Variants in CEP120 observed in about 807,000 individuals in gnomAD.
CEP120 encodes the protein centrosomal protein of 120 kDa.
A neutral mutation model predicts 126.5 loss-of-function variants in CEP120; 113 were observed. That is an observed-to-expected ratio of 0.89 (90% CI 0.77 to 1.04). The LOEUF (loss-of-function observed/expected upper bound fraction) is 1.04. Among genes scored for constraint, CEP120 ranks in the 50% least tolerant of loss-of-function variants. CEP120 has a pLI of 0.00. For synonymous variants in CEP120, 400 were observed against 394.3 expected, an observed-to-expected ratio of 1.01 and a Z score of -0.17; for missense variants, 1,230 against 1,155.7, an observed-to-expected ratio of 1.06 and a Z score of -0.93.
In CEP120 at chr5:123,401,576, A is replaced by C. The variant is rs528613043; in HGVS notation, c.464-2292T>G. ...CTTGACCTCAGCGATGACGCTGTTC[A>C]TGTCCAGGGAGCGGCTGTTGTCCAT... is the stretch of plus-strand genomic sequence containing the variant. On this transcript the variant is annotated intron_variant, in intron 4 of 19. Coordinates refer to ENST00000306467, the MANE Select transcript of CEP120 (RefSeq NM_001375405.1). The C allele has an allele frequency of 5.1e-4, 714 of 1,388,338 alleles. 10 individuals are homozygous for C. The South Asian group carries it at 6.1e-3, about 12-fold the overall frequency. The allele number at this position is 1,388,338 out of a possible 1,614,324, so 86.0% of individuals were successfully genotyped here. A position where few individuals can be genotyped will look rare whatever the true frequency, so the allele number is the denominator to read the frequency against.
At chr5:123,395,025 C>T (rs758729652) in intron 5 of CEP120, among the ~76,000 whole-genome samples, 16 of 152,198 alleles carry the variant, frequency 1.1e-4, no homozygotes, top group Non-Finnish European at 2.1e-4. Context: ...TAGAGAAGAA[C>T]ACACTAACCA....
rs151046755 is a variant in CEP120 at position 123,372,903 on chromosome 5, A to C, written c.2359-131T>G. On this transcript the variant is annotated intron_variant, in intron 16 of 19. Coordinates refer to ENST00000306467, the MANE Select transcript of CEP120 (RefSeq NM_001375405.1). ...AGTAGAAAATCTGGAAAACTGATAAAGTACAATGAGGAAAATAAAGATCCT... is the reference window on the plus strand; with the variant it reads ...AGTAGAAAATCTGGAAAACTGATAACGTACAATGAGGAAAATAAAGATCCT... 2.5e-4 allele frequency: 169 copies of C among 677,184 alleles called. 2 individuals carry two copies. The East Asian group carries it at 5.0e-3, about 20-fold the overall frequency. The allele number at this position is 677,184 out of a possible 1,614,324, so 41.9% of individuals were successfully genotyped here. A position where few individuals can be genotyped will look rare whatever the true frequency, so the allele number is the denominator to read the frequency against.
rs192091619 is a variant in CEP120 at position 123,411,274 on chromosome 5, T to C, written c.463+1125A>G. Reference sequence around the variant, plus strand: ...GCCACTTTGGAAGGCAGTGTGGATATTTCTTACAGAACTAAACATACTCTT... The same window carrying C: ...GCCACTTTGGAAGGCAGTGTGGATACTTCTTACAGAACTAAACATACTCTT... On this transcript the variant is annotated intron_variant, in intron 4 of 19. Transcript: ENST00000306467. 3.3e-3 allele frequency among the ~76,000 whole-genome samples: 497 copies of C among 152,320 alleles called. 2 individuals are homozygous for C. The highest frequency in any genetic ancestry group is 6.8e-3 in the Middle Eastern group (2 of 294).
At chr5:123,386,329 T>TA (rs1772016294) in intron 10 of CEP120, among the ~76,000 whole-genome samples, 189 bp downstream of exon 10, 1 of 152,152 alleles carries the variant, frequency 6.6e-6, no homozygotes, top group Non-Finnish European at 1.5e-5. Flanking sequence ...AGAGCCTTTA[T>TA]AATAAACCAT....
At chr5:123,353,727 C>T (rs1428385) in intron 18 of CEP120, among the ~76,000 whole-genome samples, 108,437 of 151,688 alleles carry the variant, frequency 0.71, 38,886 homozygotes, top group African/African-American at 0.75. Context: ...GGAAGTTCTT[C>T]TTTCAAATTC....
intron 18 of CEP120, among the ~76,000 whole-genome samples, chr5:123,350,391 A>G (rs1187498923): frequency 1.3e-5 from 2 of 152,254 alleles, no homozygotes; most frequent in East Asian, 3.9e-4. Context: ...TTGCACTGCT[A>G]ATTTTATGAG....
intron 17 of CEP120, among the ~76,000 whole-genome samples, chr5:123,365,424 A>G (rs924171105): frequency 6.6e-6 from 1 of 151,766 alleles, no homozygotes; most frequent in African/African-American, 2.4e-5. Flanking sequence ...ATCTGCTTGA[A>G]TTACAGTAAT....
intron 4 of CEP120, chr5:123,401,098 T>A (rs1436321238): frequency 3.8e-6 from 6 of 1,595,176 alleles, no homozygotes; most frequent in Non-Finnish European, 5.1e-6. Context: ...TAGCCGCTGG[T>A]GGTCTTCGTA....
Position 123,345,217 on chromosome 5 carries a change from ATTTC to A in CEP120, c.*1298_*1301del, listed in dbSNP as rs781515456. The A allele has an allele frequency of 3.9e-5, 6 of 152,084 alleles. No individual in the cohort carries two copies. The highest frequency in any genetic ancestry group is 2.1e-4 in the South Asian group (1 of 4,820). 9.4% of individuals were successfully genotyped at this position (152,084 alleles called of 1,614,324 possible). A position where few individuals can be genotyped will look rare whatever the true frequency, so the allele number is the denominator to read the frequency against. On this transcript the variant is annotated 3_prime_UTR_variant, in exon 20 of 20. Coordinates refer to ENST00000306467, the MANE Select transcript of CEP120 (RefSeq NM_001375405.1). Reference sequence around the variant, plus strand: ...AGATTCATTATCCTCTCATTCAGTAATTTCTTTATTATTTACTGCTGGGTTATTT... The same window carrying A: ...AGATTCATTATCCTCTCATTCAGTAATTTATTATTTACTGCTGGGTTATTT...
rs534281623 is a variant in CEP120, at chr5:123,384,386, T to A, written c.1763+565A>T. On this transcript the variant is annotated intron_variant, in intron 11 of 19. Coordinates refer to ENST00000306467, the MANE Select transcript of CEP120 (RefSeq NM_001375405.1). ...ATTTTTATTGTTAATTTTGAAAGGA[T>A]AATTCAACAAATATTTTACTGTATT... Among the ~76,000 whole-genome samples, 436 of 152,204 alleles carry A rather than the reference T, an allele frequency of 2.9e-3. 4 individuals are homozygous for A. The highest frequency in any genetic ancestry group is 0.01 in the African/African-American group (420 of 41,534).
intron 4 of CEP120, among the ~76,000 whole-genome samples, chr5:123,409,779 G>C (rs529758174): frequency 1.1e-4 from 17 of 151,962 alleles, no homozygotes; most frequent in Non-Finnish European, 1.6e-4. Context: ...CCAATGTAGT[G>C]AAACCCTCTC....
intron 13 of CEP120, 151 bp from the exon 14 acceptor site, chr5:123,382,351 A>G: frequency 2.0e-6 from 1 of 495,016 alleles, no homozygotes; most frequent in Admixed American, 3.9e-5. Context: ...AAAAAGGAGG[A>G]TGCCTGAGGC....
intron 18 of CEP120, among the ~76,000 whole-genome samples, chr5:123,356,307 A>G (rs913810102): frequency 1.3e-5 from 2 of 152,012 alleles, no homozygotes; most frequent in East Asian, 1.9e-4. Flanking sequence ...GTTTTTTCCA[A>G]TTCTGTGAAG....
intron 4 of CEP120, among the ~76,000 whole-genome samples, chr5:123,405,230 G>A (rs1406797343): frequency 6.6e-6 from 1 of 151,960 alleles, no homozygotes; most frequent in Non-Finnish European, 1.5e-5. Context: ...GAACTGGGAT[G>A]AACTGCTAGT....
At chr5:123,422,920 A>G (rs1774812783) in intron 1 of CEP120, 30 bp downstream of exon 1, 1 of 1,605,436 alleles carries the variant, frequency 6.2e-7, no homozygotes. Flanking sequence ...GGGAGGCAGC[A>G]GTTGCAAAAG....
chr5:123,359,653 G>A (rs541780417), intron 18 of CEP120, among the ~76,000 whole-genome samples: 12 of 151,848 alleles, frequency 7.9e-5, no homozygotes, highest in Middle Eastern at 3.4e-3. Flanking sequence ...TCACTTCCTC[G>A]TTTTCTAAAT....
intron 1 of CEP120, chr5:123,422,415 G>T: frequency 8.9e-7 from 1 of 1,125,874 alleles, no homozygotes; most frequent in Non-Finnish European, 1.3e-6. Context: ...CCAGCACAGT[G>T]TCTGACACTC....
At chr5:123,402,019 C>T in intron 4 of CEP120, 1 of 1,607,070 alleles carries the variant, frequency 6.2e-7, no homozygotes, top group Non-Finnish European at 8.5e-7. Context: ...AGGAACCGTA[C>T]CTTGTCTATG....
At chr5:123,351,853 A>T (rs144914916) in intron 18 of CEP120, among the ~76,000 whole-genome samples, 22 of 152,244 alleles carry the variant, frequency 1.4e-4, no homozygotes, top group African/African-American at 5.3e-4. Context: ...CAGATTTTGA[A>T]GCATTTCCGA....
Sources: gnomAD v4.1 joint callset for allele counts (sites outside exome capture counted in the v4.1 genomes callset) on GRCh38, gnomAD v4.1.1 for gene constraint, MANE v1.5 for transcripts, NCBI Gene and HGNC (gene_info 2026-07-23, HGNC 2026-07-21) for gene names.